IL1RAPL1: variants seen among roughly 807,000 people sequenced by gnomAD.
The protein encoded by IL1RAPL1 is interleukin-1 receptor accessory protein-like 1.
A neutral mutation model predicts 48.4 loss-of-function variants in IL1RAPL1; 3 were observed. The ratio of observed to expected loss-of-function variants is 0.06; its 90% CI spans 0.03 to 0.16. The LOEUF is 0.16. Among genes scored for constraint, IL1RAPL1 ranks in the 10% least tolerant of loss-of-function variants. IL1RAPL1 has a pLI of 1.00. For synonymous variants in IL1RAPL1, 185 were observed against 187.7 expected, an observed-to-expected ratio of 0.99 and a Z score of 0.12; for missense variants, 349 against 530.6, an observed-to-expected ratio of 0.66 and a Z score of 3.36.
rs747481782 is a variant in IL1RAPL1 at position 29,124,636 on chromosome X, G to A, written c.83-158302G>A. On this transcript the variant is annotated intron_variant, in intron 2 of 10. Coordinates refer to ENST00000378993, the MANE Select transcript of IL1RAPL1 (RefSeq NM_014271.4). Reference sequence around the variant, plus strand: ...GACCAACGAATTGGCATTTGAAATTGTTAGTCTTATAAAATGAATCATTGA... The same window carrying A: ...GACCAACGAATTGGCATTTGAAATTATTAGTCTTATAAAATGAATCATTGA... Among the ~76,000 whole-genome samples, 22 of 112,079 alleles carry A rather than the reference G, an allele frequency of 2.0e-4. No individual in the cohort carries two copies. The East Asian group carries it at 6.2e-3, about 31-fold the overall frequency.
intron 6 of IL1RAPL1, among the ~76,000 whole-genome samples, chrX:29,871,842 G>A (rs749954043): frequency 2.7e-5 from 3 of 111,017 alleles, no homozygotes; most frequent in Non-Finnish European, 5.7e-5. Flanking sequence ...TCCTGCCTCA[G>A]CCTCCCAAGT....
At chrX:29,722,546 G>A (rs765926825) in intron 6 of IL1RAPL1, among the ~76,000 whole-genome samples, 8 of 111,630 alleles carry the variant, frequency 7.2e-5, no homozygotes, top group Non-Finnish European at 1.3e-4. Flanking sequence ...GCATTGTTTT[G>A]AGATGCTATT....
At chrX:28,979,683 AAG>A (rs1230262642) in intron 2 of IL1RAPL1, among the ~76,000 whole-genome samples, 1 of 112,161 alleles carries the variant, frequency 8.9e-6, no homozygotes, top group Admixed American at 9.5e-5. Flanking sequence ...TGTTTCTGAA[AAG>A]AGAGAGTCAG....
intron 2 of IL1RAPL1, chrX:28,924,175 T>A (rs975324113): frequency 1.8e-5 from 2 of 112,207 alleles, no homozygotes; most frequent in African/African-American, 6.5e-5. Flanking sequence ...AAAATACTGT[T>A]TGCTTTAAAA....
Position 29,211,548 on chromosome X carries a change from C to T in IL1RAPL1, c.83-71390C>T, listed in dbSNP as rs775796054. Among the ~76,000 whole-genome samples the T allele has an allele frequency of 3.6e-5, 4 of 111,566 alleles. No homozygotes were observed. In the South Asian group the frequency reaches 1.1e-3, roughly 32 times the overall value. On this transcript the variant is annotated intron_variant, in intron 2 of 10. Coordinates refer to ENST00000378993, the MANE Select transcript of IL1RAPL1 (RefSeq NM_014271.4). ...TGAGTAGCTTTTAAATTCGCTGCCA[C>T]CATGATGACTTGAAGGATCAGAAAG... is the stretch of plus-strand genomic sequence containing the variant.
At chrX:28,664,939 G>A (rs747670114) in intron 1 of IL1RAPL1, among the ~76,000 whole-genome samples, 4 of 49,064 alleles carry the variant, frequency 8.2e-5, no homozygotes, top group Admixed American at 2.1e-4. Context: ...AATTGTTTTT[G>A]TTCATGTAGG....
At chrX:29,119,487 T>C (rs1445085601) in intron 2 of IL1RAPL1, among the ~76,000 whole-genome samples, 1 of 111,500 alleles carries the variant, frequency 9.0e-6, no homozygotes, top group African/African-American at 3.3e-5. Context: ...AAATTGAAAA[T>C]CAACAACTTT....
Position 28,961,009 on chromosome X carries a change from C to CAAAAAA in IL1RAPL1, c.82+171606_82+171611dup, listed in dbSNP as rs397947609. ...TGGGCGACAGAGCGAGACTCCGTCT[C>CAAAAAA]AAAAAAAAAAAAAAAAAAAAAAAAA... On this transcript the variant is annotated intron_variant, in intron 2 of 10. Transcript: ENST00000378993. 3.3e-3 allele frequency among the ~76,000 whole-genome samples: 58 copies of CAAAAAA among 17,486 alleles called. 13 individuals are homozygous for CAAAAAA. Among genetic ancestry groups the CAAAAAA allele is most frequent in the Middle Eastern group, 0.5 (1 of 2 alleles). The allele number at this position is 17,486 out of a possible 115,157, so 15.2% of individuals were successfully genotyped here.
At chrX:29,677,667 C>T (rs1238151976) in intron 6 of IL1RAPL1, among the ~76,000 whole-genome samples, 1 of 111,718 alleles carries the variant, frequency 9.0e-6, no homozygotes, top group Admixed American at 9.5e-5. Context: ...ATCATCCACC[C>T]ATTACCATGT....
Position 29,319,441 on chromosome X carries a change from C to T in IL1RAPL1, c.362+36224C>T, listed in dbSNP as rs143637037. 8.2e-3 allele frequency among the ~76,000 whole-genome samples: 748 copies of T among 91,220 alleles called. 8 individuals are homozygous for T. The highest frequency in any genetic ancestry group is 0.03 in the African/African-American group (716 of 23,633). 79.2% of individuals were successfully genotyped at this position (91,220 alleles called of 115,157 possible). On this transcript the variant is annotated intron_variant, in intron 3 of 10. Coordinates refer to ENST00000378993, the MANE Select transcript of IL1RAPL1 (RefSeq NM_014271.4). The stretch of plus-strand genomic sequence containing the variant: ...CTGTCCCCTAACTCCTGGGCTTAAG[C>T]AATCCTCCTACCTCAGCCTCCCAAA...
At chrX:29,194,771 C>G (rs1318286540) in intron 2 of IL1RAPL1, among the ~76,000 whole-genome samples, 2 of 111,822 alleles carry the variant, frequency 1.8e-5, no homozygotes, top group East Asian at 5.6e-4. Flanking sequence ...AGAGAATTCT[C>G]AGGAGTGGAG....
At chrX:28,919,498 G>T (rs923566106) in intron 2 of IL1RAPL1, among the ~76,000 whole-genome samples, 1 of 112,096 alleles carries the variant, frequency 8.9e-6, no homozygotes, top group Non-Finnish European at 1.9e-5. Context: ...AACTATAGAG[G>T]AATTTTTTTA....
chrX:29,771,873 AC>A (rs1201144888), intron 6 of IL1RAPL1, among the ~76,000 whole-genome samples: 1 of 111,654 alleles, frequency 9.0e-6, no homozygotes, highest in African/African-American at 3.3e-5. Flanking sequence ...GGGAGGCCTC[AC>A]AATCGTGGCT....
At chrX:29,182,107 C>G (rs971663090) in intron 2 of IL1RAPL1, among the ~76,000 whole-genome samples, 2 of 109,644 alleles carry the variant, frequency 1.8e-5, no homozygotes, top group South Asian at 4.0e-4. Context: ...TAGCCTTGCC[C>G]CCCCCCACCC....
intron 5 of IL1RAPL1, among the ~76,000 whole-genome samples, chrX:29,510,062 A>G (rs1341580130): frequency 2.7e-5 from 3 of 112,471 alleles, no homozygotes; most frequent in Non-Finnish European, 5.6e-5. Flanking sequence ...GAATCTGTAA[A>G]GTATTGCATT....
chrX:28,612,183 C>T (rs1934156271), intron 1 of IL1RAPL1, among the ~76,000 whole-genome samples: 1 of 111,815 alleles, frequency 8.9e-6, no homozygotes, highest in Non-Finnish European at 1.9e-5. Flanking sequence ...GCTGTTCTCA[C>T]CCTGGCTCTG....
At chrX:28,624,264 G>C (rs1934315114) in intron 1 of IL1RAPL1, among the ~76,000 whole-genome samples, 1 of 111,690 alleles carries the variant, frequency 9.0e-6, no homozygotes, top group Non-Finnish European at 1.9e-5. Context: ...CGATGTGTTT[G>C]ATTTCTGCTC....
At chrX:29,475,102 T>C (rs1373595189) in intron 5 of IL1RAPL1, among the ~76,000 whole-genome samples, 1 of 112,556 alleles carries the variant, frequency 8.9e-6, no homozygotes, top group Non-Finnish European at 1.9e-5. Context: ...TATTCATTAA[T>C]TTATTCTTTC....
intron 2 of IL1RAPL1, among the ~76,000 whole-genome samples, chrX:28,863,496 A>T (rs1017144573): frequency 9.7e-6 from 1 of 102,907 alleles, no homozygotes; most frequent in Non-Finnish European, 1.9e-5. Flanking sequence ...AGGGTTTGTT[A>T]TGAGGATTAT....
Sources: allele counts gnomAD v4.1 joint callset (sites outside exome capture counted in the v4.1 genomes callset), GRCh38; gene constraint gnomAD v4.1.1; transcripts MANE v1.5; gene names NCBI Gene and HGNC (gene_info 2026-07-23, HGNC 2026-07-21).